BANK1: variants seen among roughly 807,000 people sequenced by gnomAD.
The protein encoded by BANK1 is B-cell scaffold protein with ankyrin repeats.
Under a neutral mutation model 94.5 loss-of-function variants are expected in BANK1, and 95 were observed. That is an observed-to-expected ratio of 1.00 (90% CI 0.85 to 1.19). The LOEUF (loss-of-function observed/expected upper bound fraction) is 1.19. Ranked by LOEUF, BANK1 falls within the 50% of genes most tolerant of loss-of-function variation. The probability of loss-of-function intolerance (pLI) is 0.00; values close to 1 mark genes in which losing one functional copy is unlikely to be tolerated. For synonymous variants in BANK1, 334 were observed against 308.4 expected, an observed-to-expected ratio of 1.08 and a Z score of -0.87; for missense variants, 987 against 932.2, an observed-to-expected ratio of 1.06 and a Z score of -0.77.
intron 7 of BANK1, among the ~76,000 whole-genome samples, chr4:101,987,500 C>T (rs532292494): frequency 6.6e-6 from 1 of 152,074 alleles, no homozygotes; most frequent in Non-Finnish European, 1.5e-5. Flanking sequence ...TTGATATACT[C>T]ATTTAAAGCA....
chr4:102,043,981 AG>A (rs1196788666), intron 11 of BANK1, 74 bp downstream of exon 11: 2 of 836,074 alleles, frequency 2.4e-6, no homozygotes, highest in Non-Finnish European at 3.9e-6. Context: ...TACAGAGTAA[AG>A]CCTCCTAGGA....
intron 10 of BANK1, among the ~76,000 whole-genome samples, chr4:102,034,499 A>G (rs1212196782): frequency 2.0e-5 from 3 of 152,216 alleles, no homozygotes; most frequent in African/African-American, 7.2e-5. Flanking sequence ...TATATGTTCA[A>G]TGCATTATAA....
chr4:101,863,210 T>G (rs1727946723), intron 4 of BANK1, among the ~76,000 whole-genome samples: 1 of 152,064 alleles, frequency 6.6e-6, no homozygotes, highest in African/African-American at 2.4e-5. Context: ...TATAGCATGA[T>G]AAATTGTATC....
chr4:101,870,653 A>T lies in BANK1; in HGVS notation c.903+9A>T, dbSNP rs1328274430. The T allele has an allele frequency of 5.6e-6, 9 of 1,606,892 alleles. No individual in the cohort carries two copies. The highest frequency in any genetic ancestry group is 7.6e-6 in the Non-Finnish European group (9 of 1,177,202). ...GAGAGAGTTTGTGCCAGGTAAGTTA[A>T]TCTTTCCACGAAGTTAATCATAATG... On this transcript the variant is annotated intron_variant, in intron 5 of 16. Transcript: ENST00000322953.
At chr4:102,043,561 A>T (rs1290789799) in intron 10 of BANK1, among the ~76,000 whole-genome samples, 1 of 152,040 alleles carries the variant, frequency 6.6e-6, no homozygotes, top group African/African-American at 2.4e-5. Flanking sequence ...TTCTTACCTG[A>T]TATCAAAATG....
intron 11 of BANK1, among the ~76,000 whole-genome samples, chr4:102,057,301 T>C (rs1178454495): frequency 6.6e-6 from 1 of 151,812 alleles, no homozygotes; most frequent in Non-Finnish European, 1.5e-5. Context: ...TCTCTCTTTC[T>C]CTCTCCCTGT....
intron 1 of BANK1, among the ~76,000 whole-genome samples, chr4:101,808,064 G>A (rs1322568467): frequency 1.3e-5 from 2 of 148,528 alleles, no homozygotes; most frequent in South Asian, 2.1e-4. Context: ...TCCAGCCGGG[G>A]TGACAGAGCA....
chr4:101,790,755 TG>T lies in BANK1; in HGVS notation c.-124del. Reference sequence around the variant, plus strand: ...GAGACCTGGCCGCAGCCTCCGCGGGTGGCAAGCGGGCTGGGGAGAGCCGAGG... The same window carrying T: ...GAGACCTGGCCGCAGCCTCCGCGGGTGCAAGCGGGCTGGGGAGAGCCGAGG... On this transcript the variant is annotated 5_prime_UTR_variant, in exon 1 of 17. Transcript: ENST00000322953. 1 of 1,047,288 alleles carries T rather than the reference TG, an allele frequency of 9.5e-7. No individual in the cohort carries two copies. The highest frequency in any genetic ancestry group is 1.4e-6 in the Non-Finnish European group (1 of 710,414). The allele number at this position is 1,047,288 out of a possible 1,614,324, so 64.9% of individuals were successfully genotyped here. A position where few individuals can be genotyped will look rare whatever the true frequency, so the allele number is the denominator to read the frequency against.
At chr4:102,041,916 C>T (rs1333537652) in intron 10 of BANK1, among the ~76,000 whole-genome samples, 1 of 151,950 alleles carries the variant, frequency 6.6e-6, no homozygotes, top group East Asian at 1.9e-4. Context: ...TGATTTGTAA[C>T]AAATTAATGC....
At chr4:101,826,792 A>G (rs988541128) in intron 1 of BANK1, among the ~76,000 whole-genome samples, 1 of 151,988 alleles carries the variant, frequency 6.6e-6, no homozygotes, top group African/African-American at 2.4e-5. Context: ...ATGTAAAAAA[A>G]AGTTGTTGAA....
At chr4:102,033,532 G>T (rs79908904) in intron 10 of BANK1, among the ~76,000 whole-genome samples, 1 of 152,116 alleles carries the variant, frequency 6.6e-6, no homozygotes, top group Non-Finnish European at 1.5e-5. Context: ...TGTAAATTTT[G>T]TACATGCAAT....
intron 7 of BANK1, among the ~76,000 whole-genome samples, chr4:101,992,857 A>G (rs1725752709): frequency 6.6e-6 from 1 of 152,202 alleles, no homozygotes; most frequent in African/African-American, 2.4e-5. Flanking sequence ...TAAAAAAGGT[A>G]CTTAAGAAGC....
intron 7 of BANK1, among the ~76,000 whole-genome samples, chr4:102,005,956 TTAAG>T (rs1726248330): frequency 6.6e-6 from 1 of 151,944 alleles, no homozygotes; most frequent in Non-Finnish European, 1.5e-5. Context: ...AAGAAAAAAT[TTAAG>T]TAAGTTTTAA....
rs148633167 is a variant in BANK1, at chr4:101,820,720, G to A, written c.71-9088G>A. Among the ~76,000 whole-genome samples the A allele has an allele frequency of 3.3e-3, 499 of 152,282 alleles. 3 individuals carry two copies. The highest frequency in any genetic ancestry group is 0.011 in the African/African-American group (474 of 41,548). On this transcript the variant is annotated intron_variant, in intron 1 of 16. Transcript: ENST00000322953. The stretch of plus-strand genomic sequence containing the variant: ...AGCTCCCACTTATAAGTGAGAACAT[G>A]TGGTATTTGGTTTTCTGTTCCTGAA...
intron 2 of BANK1, among the ~76,000 whole-genome samples, chr4:101,853,886 C>T (rs1490511928): frequency 1.3e-5 from 2 of 152,058 alleles, no homozygotes; most frequent in African/African-American, 4.8e-5. Context: ...TCATACTAGC[C>T]AGGATTTGCT....
intron 1 of BANK1, among the ~76,000 whole-genome samples, chr4:101,803,894 AG>A (rs1218540655): frequency 1.4e-5 from 2 of 141,132 alleles, no homozygotes; most frequent in South Asian, 2.4e-4. Context: ...GCTACTTGGG[AG>A]GCTGAGGCAG....
At chr4:101,870,228 T>C (rs1728233995) in intron 4 of BANK1, among the ~76,000 whole-genome samples, 1 of 152,010 alleles carries the variant, frequency 6.6e-6, no homozygotes, top group Non-Finnish European at 1.5e-5. Context: ...AAAGTTATAC[T>C]AGTAAGTAAG....
At chr4:102,073,228 T>C (rs1728814311) in intron 15 of BANK1, among the ~76,000 whole-genome samples, 1 of 138,586 alleles carries the variant, frequency 7.2e-6, no homozygotes, top group African/African-American at 2.5e-5. Context: ...TGTGTGTATG[T>C]GCATATATGT....
chr4:102,029,033 A>G (rs1205955676), intron 9 of BANK1, among the ~76,000 whole-genome samples: 2 of 151,966 alleles, frequency 1.3e-5, no homozygotes, highest in Non-Finnish European at 2.9e-5. Flanking sequence ...TTTCTCCTCA[A>G]TTTCTGGAGT....
Sources: gnomAD v4.1 joint callset for allele counts (sites outside exome capture counted in the v4.1 genomes callset) on GRCh38, gnomAD v4.1.1 for gene constraint, MANE v1.5 for transcripts, NCBI Gene and HGNC (gene_info 2026-07-23, HGNC 2026-07-21) for gene names.